RGL1: variants seen among roughly 807,000 people sequenced by gnomAD.
RGL1 encodes the protein ral guanine nucleotide dissociation stimulator-like 1.
A neutral mutation model predicts 95.2 loss-of-function variants in RGL1; 24 were observed. The ratio of observed to expected loss-of-function variants is 0.25; its 90% CI spans 0.18 to 0.35. The LOEUF (loss-of-function observed/expected upper bound fraction) is 0.35, where lower values mean the gene tolerates loss of function less well. Ranked by LOEUF, RGL1 falls within the 10% of genes least tolerant of loss-of-function variation. RGL1 has a pLI of 1.00. For synonymous variants in RGL1, 329 were observed against 344.9 expected (o/e 0.95, Z 0.51); for missense variants, 715 against 936.3 (o/e 0.76, Z 3.08).
At chr1:183,739,218 C>T (rs1657134093) in intron 1 of RGL1, among the ~76,000 whole-genome samples, 1 of 152,258 alleles carries the variant, frequency 6.6e-6, no homozygotes, top group South Asian at 2.1e-4. Flanking sequence ...TTTCCTACCT[C>T]TATGCCATCC....
chr1:183,680,976 G>A lies in RGL1; in HGVS notation c.-33+44475G>A, dbSNP rs12071058. 1.8e-3 allele frequency among the ~76,000 whole-genome samples: 280 copies of A among 152,214 alleles called. 6 individuals carry two copies. In the East Asian group the frequency reaches 0.043, roughly 23 times the overall value. On this transcript the variant is annotated intron_variant, in intron 1 of 18. Coordinates refer to the RGL1 transcript ENST00000304685. ...GAGTTCACTCATGATTTGGCTCTTT[G>A]CCTATTATTGGTGTATAAGAATGCT...
chr1:183,793,959 C>T (rs182220949), intron 2 of RGL1, among the ~76,000 whole-genome samples: 1 of 151,982 alleles, frequency 6.6e-6, no homozygotes, highest in East Asian at 1.9e-4. Flanking sequence ...GAAGGGCTAC[C>T]TGGACCTCCA....
chr1:183,682,170 G>T (rs769650571), intron 1 of RGL1, among the ~76,000 whole-genome samples: 1 of 151,896 alleles, frequency 6.6e-6, no homozygotes, highest in African/African-American at 2.4e-5. Context: ...CTATCTCCTT[G>T]AGTTCTGCTC....
At chr1:183,863,994 A>G (rs1665675544) in intron 3 of RGL1, among the ~76,000 whole-genome samples, 1 of 152,178 alleles carries the variant, frequency 6.6e-6, no homozygotes, top group Admixed American at 6.5e-5. Context: ...CCTTCTCATT[A>G]CACATTTGGC....
intron 4 of RGL1, among the ~76,000 whole-genome samples, chr1:183,866,775 G>C (rs1665865716): frequency 6.6e-6 from 1 of 152,232 alleles, no homozygotes; most frequent in African/African-American, 2.4e-5. Context: ...CTGGCTCTGT[G>C]TCCGGAAAGT....
At chr1:183,739,930 CAT>C (rs1347240843) in intron 1 of RGL1, among the ~76,000 whole-genome samples, 1 of 152,184 alleles carries the variant, frequency 6.6e-6, no homozygotes, top group Admixed American at 6.5e-5. Context: ...GTCTCTGGAA[CAT>C]GTTACGCTTA....
At chr1:183,911,934 C>T (rs1171042680) in intron 14 of RGL1, 148 bp from the exon 15 acceptor site, 15 of 682,558 alleles carry the variant, frequency 2.2e-5, no homozygotes, top group Non-Finnish European at 3.7e-5. Flanking sequence ...TTGTTAGAAA[C>T]TTTATAGCGA....
At chr1:183,786,785 G>A (rs2102367875) in intron 2 of RGL1, among the ~76,000 whole-genome samples, 1 of 152,250 alleles carries the variant, frequency 6.6e-6, no homozygotes, top group East Asian at 1.9e-4. Flanking sequence ...TAAGACTTTG[G>A]TCCAGCATTT....
At chr1:183,884,995 T>C in intron 7 of RGL1, 57 bp downstream of exon 7, 1 of 1,436,200 alleles carries the variant, frequency 7.0e-7, no homozygotes, top group Non-Finnish European at 9.6e-7. Context: ...GACTGCTCCA[T>C]CACTTCGTTT....
chr1:183,650,977 T>C (rs1201709229), intron 1 of RGL1, among the ~76,000 whole-genome samples: 1 of 152,194 alleles, frequency 6.6e-6, no homozygotes, highest in Non-Finnish European at 1.5e-5. Context: ...ATTTTTTGCG[T>C]GAAGTTTTCC....
chr1:183,896,898 A>G (rs1294874514), intron 9 of RGL1, among the ~76,000 whole-genome samples: 1 of 152,236 alleles, frequency 6.6e-6, no homozygotes, highest in Non-Finnish European at 1.5e-5. Context: ...GGCAATTTAG[A>G]AGAACTGACT....
chr1:183,698,524 T>C (rs1450869807), intron 1 of RGL1, among the ~76,000 whole-genome samples: 1 of 152,262 alleles, frequency 6.6e-6, no homozygotes, highest in Non-Finnish European at 1.5e-5. Flanking sequence ...CAAAAATCTT[T>C]GTCTCATCTG....
chr1:183,914,669 TA>T (rs1220785906), intron 15 of RGL1, among the ~76,000 whole-genome samples: 1 of 152,228 alleles, frequency 6.6e-6, no homozygotes, highest in African/African-American at 2.4e-5. Flanking sequence ...TCATGATTTC[TA>T]AATATTGATT....
chr1:183,900,737 C>G (rs1326781512), intron 11 of RGL1, among the ~76,000 whole-genome samples: 1 of 151,768 alleles, frequency 6.6e-6, no homozygotes, highest in African/African-American at 2.4e-5. Context: ...AACTCCTGAC[C>G]ACAGGTGATC....
At chr1:183,767,867 C>T (rs776371709) in intron 2 of RGL1, among the ~76,000 whole-genome samples, 2 of 151,934 alleles carry the variant, frequency 1.3e-5, no homozygotes, top group South Asian at 2.1e-4. Context: ...GCAGGAGAAT[C>T]GCTTGAACCC....
At chr1:183,817,463 T>A (rs1662163886) in intron 2 of RGL1, among the ~76,000 whole-genome samples, 1 of 152,172 alleles carries the variant, frequency 6.6e-6, no homozygotes, top group Admixed American at 6.5e-5. Context: ...TTCCTTCCTG[T>A]CCTTCTTCTG....
At chr1:183,922,126 A>T (rs962478009) in intron 16 of RGL1, 96 bp from the exon 17 acceptor site, 3 of 986,186 alleles carry the variant, frequency 3.0e-6, no homozygotes, top group Non-Finnish European at 3.2e-6. Context: ...CTGGAAAGGC[A>T]TCACAACACA....
At chr1:183,830,261 C>T (rs770133445) in intron 2 of RGL1, among the ~76,000 whole-genome samples, 49 of 152,238 alleles carry the variant, frequency 3.2e-4, no homozygotes, top group Non-Finnish European at 5.6e-4. Flanking sequence ...TAAGTTCAGA[C>T]ACCTCAAACA....
chr1:183,805,741 A>G (rs1201772682), intron 1 of RGL1, among the ~76,000 whole-genome samples: 3 of 152,170 alleles, frequency 2.0e-5, no homozygotes, highest in Non-Finnish European at 4.4e-5. Flanking sequence ...TGCACTTGCC[A>G]GATTATTTTA....
Sources: gnomAD v4.1 joint callset for allele counts (sites outside exome capture counted in the v4.1 genomes callset) on GRCh38, gnomAD v4.1.1 for gene constraint, MANE v1.5 for transcripts, NCBI Gene and HGNC (gene_info 2026-07-23, HGNC 2026-07-21) for gene names.